Variants in LDLRAD1 observed in about 807,000 individuals in gnomAD.
LDLRAD1 encodes the protein low-density lipoprotein receptor class A domain-containing protein 1.
In LDLRAD1, 17 loss-of-function variants were observed where a neutral mutation model predicts 24.8. The ratio of observed to expected loss-of-function variants is 0.69; its 90% CI spans 0.47 to 1.03. The LOEUF (loss-of-function observed/expected upper bound fraction) is 1.03, where lower values mean the gene tolerates loss of function less well. LDLRAD1 is among the 50% of genes least tolerant of loss of function. LDLRAD1 has a pLI of 0.00. For missense variants in LDLRAD1, 277 were observed against 271.0 expected, an observed-to-expected ratio of 1.02 and a Z score of -0.16; for synonymous variants, 103 against 108.2, an observed-to-expected ratio of 0.95 and a Z score of 0.30.
intron 3 of LDLRAD1, among the ~76,000 whole-genome samples, chr1:54,013,474 C>T (rs998220239): frequency 4.6e-5 from 7 of 151,162 alleles, no homozygotes; most frequent in Non-Finnish European, 7.4e-5. Context: ...CTTTCTGTGG[C>T]TCCTGGACTA....
At chr1:54,014,485 C>G in intron 2 of LDLRAD1, 121 bp from the exon 3 acceptor site, 1 of 957,930 alleles carries the variant, frequency 1.0e-6, no homozygotes, top group Non-Finnish European at 1.6e-6. Flanking sequence ...GTGAGCAGAG[C>G]AGGGATGGCT....
chr1:54,018,048 C>G (rs768635530), intron 1 of LDLRAD1, 44 bp downstream of exon 1: 3 of 1,513,842 alleles, frequency 2.0e-6, no homozygotes, highest in Non-Finnish European at 2.8e-6. Flanking sequence ...CACTTGGGGA[C>G]AGCTCTTACT....
chr1:54,013,885 T>C (rs1312225588), intron 3 of LDLRAD1, among the ~76,000 whole-genome samples: 4 of 151,714 alleles, frequency 2.6e-5, no homozygotes, highest in Non-Finnish European at 5.9e-5. Context: ...GGGCACACAG[T>C]TGGATAGCAC....
chr1:54,010,496 G>T, intron 4 of LDLRAD1, 86 bp from the exon 5 acceptor site: 2 of 1,418,272 alleles, frequency 1.4e-6, no homozygotes, highest in Non-Finnish European at 1.9e-6. Flanking sequence ...GACCACCCTG[G>T]CAGTGGCCAA....
In LDLRAD1 at chr1:54,009,086, A is replaced by G. The variant is rs200003427; in HGVS notation, c.514T>C (p.Ser172Pro). The G allele has an allele frequency of 7.4e-6, 12 of 1,613,872 alleles. No homozygotes were observed. In the Admixed American group the frequency reaches 1.8e-4, roughly 25 times the overall value. Residue 172 changes from serine to proline, a missense_variant, in exon 6 of 6, where the codon TCA (serine) becomes CCA (proline). Coordinates refer to ENST00000371360, the MANE Select transcript of LDLRAD1 (RefSeq NM_001010978.4). ...CAGTCGCAGTACTTGAAGAAGGTTG[A>G]AGGACAGCGCCACCACCCAGGGCCG... is the stretch of plus-strand genomic sequence containing the variant. ...PCGPGWWRCP[S>P]TFFKYCDCIP...
intron 2 of LDLRAD1, among the ~76,000 whole-genome samples, chr1:54,015,652 T>G (rs7532836): frequency 0.5 from 73,624 of 146,374 alleles, 19,069 homozygotes; most frequent in African/African-American, 0.62. Context: ...TTTGTTTTTT[T>G]TGTTTTTTTT....
chr1:54,016,840 G>A (rs1364661477), intron 2 of LDLRAD1, among the ~76,000 whole-genome samples: 2 of 152,136 alleles, frequency 1.3e-5, no homozygotes, highest in African/African-American at 4.8e-5. Flanking sequence ...CTTTATAGCT[G>A]GTATTTTAAT....
At chr1:54,010,248 C>T (rs1468943858) in intron 5 of LDLRAD1, 34 bp downstream of exon 5, 5 of 1,611,336 alleles carry the variant, frequency 3.1e-6, no homozygotes, top group Non-Finnish European at 4.2e-6. Flanking sequence ...TGCCTGGACA[C>T]CAGCCCCAGC....
Position 54,008,863 on chromosome 1 carries a change from G to A in LDLRAD1, c.*119C>T. 1.1e-6 allele frequency: 1 copy of A among 890,710 alleles called. No homozygotes were observed. The highest frequency in any genetic ancestry group is 1.7e-6 in the Non-Finnish European group (1 of 577,886). The allele number at this position is 890,710 out of a possible 1,614,324, so 55.2% of individuals were successfully genotyped here. On this transcript the variant is annotated 3_prime_UTR_variant, in exon 6 of 6. Transcript: ENST00000371360. ...GGAGAGAAAATTCCTATTCAGAAATGATGTGTAGATCCCATTTCAAAGGCT... is the reference window on the plus strand; with the variant it reads ...GGAGAGAAAATTCCTATTCAGAAATAATGTGTAGATCCCATTTCAAAGGCT...
chr1:54,016,828 T>C (rs1034408871), intron 2 of LDLRAD1, among the ~76,000 whole-genome samples: 3 of 152,208 alleles, frequency 2.0e-5, no homozygotes, highest in African/African-American at 7.2e-5. Context: ...TGGGGATGGA[T>C]TCTTTATAGC....
At position 54,014,216 on chromosome 1, in the gene LDLRAD1, C is replaced by T. The variant is rs955590397; in HGVS notation, c.202+20G>A. 2.5e-6 allele frequency: 4 copies of T among 1,571,518 alleles called. No individual in the cohort carries two copies. In the African/African-American group the frequency reaches 4.1e-5, roughly 16 times the overall value. On this transcript the variant is annotated intron_variant, in intron 3 of 5. Coordinates refer to ENST00000371360, the MANE Select transcript of LDLRAD1 (RefSeq NM_001010978.4). ...GCCCTCCCCGCCGGGTCTGACCCAC[C>T]CTCTCTTGGCCGCCCTGACCTGGGG...
At chr1:54,010,212 C>T (rs571550322) in intron 5 of LDLRAD1, 70 bp downstream of exon 5, 184 of 1,575,618 alleles carry the variant, frequency 1.2e-4, no homozygotes, top group Admixed American at 3.3e-4. Context: ...TAGAGATTCC[C>T]TGCTCACCCT....
Position 54,010,384 on chromosome 1 carries a change from A to G in LDLRAD1, c.367T>C (p.Phe123Leu). Residue 123 changes from phenylalanine (F) to leucine (L), a missense_variant, in exon 5 of 6, where the codon TTC becomes CTC. By Grantham distance (22) the Phe-to-Leu change is conservative. Transcript: ENST00000371360. ...CRDVPQSLPHFLVAHCGDPAS... is the reference protein window; with the variant it reads ...CRDVPQSLPHLLVAHCGDPAS... ...GGGTCTCCACAGTGGGCCACAAGGA[A>G]GTGGGGGAGGCTCTGGGGCACATCT... is the stretch of plus-strand genomic sequence containing the variant. 1 of 1,613,966 alleles carries G rather than the reference A, an allele frequency of 6.2e-7. No homozygotes were observed. Among genetic ancestry groups the G allele is most frequent in the African/African-American group, 1.3e-5 (1 of 75,002 alleles).
chr1:54,017,412 T>G lies in LDLRAD1; in HGVS notation c.37A>C (p.Thr13Pro). Residue 13 changes from threonine (T) to proline (P), a missense_variant, in exon 2 of 6, where the codon ACT (threonine) becomes CCT (proline). Transcript: ENST00000371360. ...GGGTGGGCTTTGGATTCAGCAGCAGTGTAGCCATTCTCTCCCTGCCCAAGA... is the reference window on the plus strand; with the variant it reads ...GGGTGGGCTTTGGATTCAGCAGCAGGGTAGCCATTCTCTCCCTGCCCAAGA... ...KVFPQGENGY[T>P]AAESKAHPGG... The G allele has an allele frequency of 6.2e-7, 1 of 1,603,526 alleles. No individual in the cohort carries two copies. The highest frequency in any genetic ancestry group is 8.5e-7 in the Non-Finnish European group (1 of 1,174,568).
At chr1:54,010,686 A>G (rs1050685352) in intron 4 of LDLRAD1, among the ~76,000 whole-genome samples, 2 of 152,066 alleles carry the variant, frequency 1.3e-5, no homozygotes, top group East Asian at 1.9e-4. Flanking sequence ...TGCTGACACT[A>G]TGCCCCCCTC....
In LDLRAD1 at chr1:54,014,335, G is replaced by A. The variant is rs1412019446; in HGVS notation, c.103C>T (p.Arg35Cys). ...AGGGHLCCSR[R>C]GACLSASLLL... ...AGAGAGGCAGAGAGGCAGGCCCCGC[G>A]ACGTGAGCAGCAGAGGTGGCCGCCG... Residue 35 changes from arginine (R) to cysteine (C), a missense_variant, in exon 3 of 6, where the codon CGC becomes TGC. Arg to Cys is a radical substitution (Grantham distance 180). Transcript: ENST00000371360. The A allele has an allele frequency of 1.3e-5, 20 of 1,548,444 alleles. No homozygotes were observed. Among genetic ancestry groups the A allele is most frequent in the East Asian group, 2.5e-5 (1 of 40,798 alleles).
chr1:54,013,122 A>G (rs1656132506), intron 3 of LDLRAD1, among the ~76,000 whole-genome samples: 1 of 152,116 alleles, frequency 6.6e-6, no homozygotes, highest in Non-Finnish European at 1.5e-5. Context: ...AGATGCACAC[A>G]CACATGAACA....
chr1:54,009,216 C>T (rs1655944916), intron 5 of LDLRAD1, 86 bp from the exon 6 acceptor site: 2 of 1,296,790 alleles, frequency 1.5e-6, no homozygotes, highest in East Asian at 2.3e-5. Context: ...CTGAAACCTG[C>T]CGTAGCTCCC....
chr1:54,014,806 G>A, intron 2 of LDLRAD1, among the ~76,000 whole-genome samples: 1 of 152,208 alleles, frequency 6.6e-6, no homozygotes, highest in African/African-American at 2.4e-5. Context: ...ATGTCACCCT[G>A]GGTGGAGCTG....
Sources: gnomAD v4.1 joint callset for allele counts (sites outside exome capture counted in the v4.1 genomes callset) on GRCh38, gnomAD v4.1.1 for gene constraint, MANE v1.5 for transcripts, NCBI Gene and HGNC (gene_info 2026-07-23, HGNC 2026-07-21) for gene names.